The following KIFAP3 variants were observed in gnomAD, a reference collection of about 807,000 sequenced individuals.
The protein encoded by KIFAP3 is kinesin associated protein 3, also known as kinesin-associated protein 3.
KIFAP3 carries 68 observed loss-of-function variants against 106.5 expected under a neutral mutation model. The observed-to-expected ratio is 0.64, with a 90% CI of 0.53 to 0.78. The LOEUF is 0.78. Among genes scored for constraint, KIFAP3 ranks in the 30% least tolerant of loss-of-function variants. The probability of loss-of-function intolerance (pLI) is 0.00; values close to 1 mark genes in which losing one functional copy is unlikely to be tolerated. For missense variants in KIFAP3, 780 were observed against 941.8 expected (o/e 0.83, Z 2.25); for synonymous variants, 320 against 311.5 (o/e 1.03, Z -0.29).
chr1:170,022,380 T>C (rs1339916453), intron 9 of KIFAP3, among the ~76,000 whole-genome samples: 1 of 152,152 alleles, frequency 6.6e-6, no homozygotes, highest in Non-Finnish European at 1.5e-5. Context: ...TCAGTGTTTC[T>C]GGAAATTAAC....
intron 10 of KIFAP3, among the ~76,000 whole-genome samples, chr1:170,011,701 T>G (rs910019965): frequency 3.3e-5 from 5 of 152,124 alleles, no homozygotes; most frequent in African/African-American, 1.2e-4. Context: ...TAAATAAATT[T>G]TTCTTGTCCT....
rs1671853774 is a variant in KIFAP3 at position 170,074,642 on chromosome 1, A to C, written c.-175T>G. On this transcript the variant is annotated 5_prime_UTR_variant, in exon 1 of 20. Transcript: ENST00000361580. ...CACGGTGAAGCCTCCAGCTCCTCCC[A>C]CAGCTTCTGTGCCCCAAAACACTGG... 4 of 1,469,464 alleles carry C rather than the reference A, an allele frequency of 2.7e-6. No individual in the cohort carries two copies. Among genetic ancestry groups the C allele is most frequent in the Non-Finnish European group, 3.6e-6 (4 of 1,108,420 alleles). The allele number at this position is 1,469,464 out of a possible 1,614,324, so 91.0% of individuals were successfully genotyped here.
chr1:170,060,295 T>A (rs1671072148), intron 1 of KIFAP3, among the ~76,000 whole-genome samples: 1 of 152,204 alleles, frequency 6.6e-6, no homozygotes. Flanking sequence ...CTCAAGCTGA[T>A]AAGCAACTTC....
chr1:169,989,937 T>C, intron 11 of KIFAP3: 1 of 1,006,172 alleles, frequency 9.9e-7, no homozygotes, highest in Non-Finnish European at 1.4e-6. Context: ...ATGCATTTAA[T>C]AATTCTTTTT....
chr1:170,048,411 C>T (rs1441142097), intron 2 of KIFAP3, among the ~76,000 whole-genome samples: 1 of 151,314 alleles, frequency 6.6e-6, no homozygotes, highest in African/African-American at 2.4e-5. Flanking sequence ...CAGAGAAAAA[C>T]TCTAAAAAGA....
At chr1:170,017,233 GT>G (rs1192359192) in intron 9 of KIFAP3, among the ~76,000 whole-genome samples, 2 of 141,496 alleles carry the variant, frequency 1.4e-5, no homozygotes, top group African/African-American at 5.3e-5. Context: ...TTCCAGCCTG[GT>G]GGCAGAGAGA....
chr1:169,985,301 A>T (rs1666763129), intron 11 of KIFAP3, among the ~76,000 whole-genome samples: 1 of 151,940 alleles, frequency 6.6e-6, no homozygotes. Flanking sequence ...ATGGGGAACC[A>T]GGTAGGATGC....
Position 170,039,284 on chromosome 1 carries a change from T to C in KIFAP3, c.324A>G (p.Lys108=). The C allele has an allele frequency of 6.3e-7, 1 of 1,593,328 alleles. No individual in the cohort carries two copies. Among genetic ancestry groups the C allele is most frequent in the Non-Finnish European group, 8.6e-7 (1 of 1,166,712 alleles). Residue 108 remains lysine (K), a synonymous_variant, in exon 4 of 20, where the codon AAA becomes AAG. Coordinates refer to ENST00000361580, the MANE Select transcript of KIFAP3 (RefSeq NM_014970.4). ...NRRDSLSGKE[K]KEKSSKPKDP... is the part of the protein sequence containing the mutation. The stretch of plus-strand genomic sequence containing the variant: ...CTTTAGGCTTGCTTGATTTTTCTTT[T>C]TTCTCTGTAAAAAGATTTTTTTTTA...
At chr1:169,973,700 T>C (rs1404180009) in intron 16 of KIFAP3, among the ~76,000 whole-genome samples, 6 of 151,796 alleles carry the variant, frequency 4.0e-5, no homozygotes, top group African/African-American at 1.4e-4. Flanking sequence ...CATCTTCGAA[T>C]TGCTGGGGGA....
chr1:169,945,152 G>A (rs1218596755), intron 19 of KIFAP3, among the ~76,000 whole-genome samples: 3 of 152,146 alleles, frequency 2.0e-5, no homozygotes, highest in Admixed American at 1.3e-4. Context: ...GGGGCGGGGG[G>A]GGGCTGGTGT....
intron 17 of KIFAP3, among the ~76,000 whole-genome samples, chr1:169,961,452 G>C (rs1425875988): frequency 6.6e-6 from 1 of 152,028 alleles, no homozygotes; most frequent in African/African-American, 2.4e-5. Flanking sequence ...AATGGCAATG[G>C]CAAACACTAG....
chr1:170,049,905 G>C (rs1237348792), intron 2 of KIFAP3, among the ~76,000 whole-genome samples: 1 of 151,854 alleles, frequency 6.6e-6, no homozygotes, highest in Non-Finnish European at 1.5e-5. Context: ...CAAAAATGCT[G>C]AAAATCCCAA....
intron 19 of KIFAP3, among the ~76,000 whole-genome samples, chr1:169,940,666 C>T (rs1664056082): frequency 6.6e-6 from 1 of 152,166 alleles, no homozygotes; most frequent in South Asian, 2.1e-4. Context: ...GGTTTGCTGG[C>T]CTGCTACTCA....
chr1:169,949,146 G>GA (rs1245312480), intron 19 of KIFAP3, among the ~76,000 whole-genome samples: 5 of 149,778 alleles, frequency 3.3e-5, no homozygotes, highest in Admixed American at 6.6e-5. Context: ...TTTAATATTT[G>GA]AAAAAAAAGA....
At chr1:169,995,618 TAATC>T (rs974027105) in intron 10 of KIFAP3, among the ~76,000 whole-genome samples, 10 of 151,936 alleles carry the variant, frequency 6.6e-5, no homozygotes, top group African/African-American at 2.4e-4. Context: ...ACAAAGTAAA[TAATC>T]AAACATTAAA....
intron 19 of KIFAP3, among the ~76,000 whole-genome samples, chr1:169,940,587 T>C (rs1016103997): frequency 1.4e-4 from 21 of 152,170 alleles, no homozygotes; most frequent in African/African-American, 2.4e-5. Flanking sequence ...GAGTTCACAA[T>C]AGGGTTTGTG....
chr1:170,006,716 G>T (rs1026802366), intron 10 of KIFAP3, among the ~76,000 whole-genome samples: 3 of 152,152 alleles, frequency 2.0e-5, no homozygotes, highest in African/African-American at 7.2e-5. Flanking sequence ...ATAGTAAATT[G>T]AGGTGAGGGT....
At chr1:169,944,395 G>C (rs1664311325) in intron 19 of KIFAP3, among the ~76,000 whole-genome samples, 1 of 152,190 alleles carries the variant, frequency 6.6e-6, no homozygotes, top group Non-Finnish European at 1.5e-5. Context: ...CAGAAACCTG[G>C]AGAAACTGGG....
At chr1:169,968,532 G>A (rs1665746967) in intron 17 of KIFAP3, among the ~76,000 whole-genome samples, 1 of 151,828 alleles carries the variant, frequency 6.6e-6, no homozygotes, top group East Asian at 1.9e-4. Context: ...ATTAAAGCAA[G>A]TCTGGATTAA....
Sources: gnomAD v4.1 joint callset for allele counts (sites outside exome capture counted in the v4.1 genomes callset) on GRCh38, gnomAD v4.1.1 for gene constraint, MANE v1.5 for transcripts, NCBI Gene and HGNC (gene_info 2026-07-23, HGNC 2026-07-21) for gene names.